Variants in DCLK2 observed in about 807,000 individuals in gnomAD.
DCLK2 encodes doublecortin like kinase 2.
Under a neutral mutation model 78.4 loss-of-function variants are expected in DCLK2, and 31 were observed. The observed-to-expected ratio is 0.40, with a 90% confidence interval of 0.30 to 0.53. DCLK2 has a LOEUF of 0.53. Among genes scored for constraint, DCLK2 ranks in the 20% least tolerant of loss-of-function variants. The pLI is 0.61. For synonymous variants in DCLK2, 407 were observed against 374.9 expected (o/e 1.09, Z -0.99); for missense variants, 872 against 973.7 (o/e 0.90, Z 1.39).
Position 150,248,400 on chromosome 4 carries a change from T to G in DCLK2, c.1956+15T>G, listed in dbSNP as rs1743492134. 1.2e-6 allele frequency: 2 copies of G among 1,607,988 alleles called. No homozygotes were observed. Among genetic ancestry groups the G allele is most frequent in the Non-Finnish European group, 1.7e-6 (2 of 1,174,704 alleles). On this transcript the variant is annotated intron_variant, in intron 14 of 15. Transcript: ENST00000296550. ...CCTGGGTGTCAGTAAGTACCCACATTCCCAGGGAATGGGCCTCACTGTGCT... is the reference window on the plus strand; with the variant it reads ...CCTGGGTGTCAGTAAGTACCCACATGCCCAGGGAATGGGCCTCACTGTGCT...
intron 5 of DCLK2, among the ~76,000 whole-genome samples, chr4:150,208,396 TTTTG>T (rs1740012937): frequency 1.5e-5 from 1 of 65,426 alleles, no homozygotes; most frequent in East Asian, 2.9e-4. Context: ...GAGTTTTTTT[TTTTG>T]TTTTTGTTTT....
chr4:150,236,666 A>C (rs1360690360), intron 10 of DCLK2, among the ~76,000 whole-genome samples: 2 of 152,182 alleles, frequency 1.3e-5, no homozygotes, highest in Non-Finnish European at 2.9e-5. Context: ...ATCTATCTAG[A>C]GAGAGATATA....
rs746149168 is a variant in DCLK2, at chr4:150,247,609, C to T, written c.1785C>T (p.Asn595=). ...TTCTTTGTCACTGGCTTAGTGAGAA[C>T]AATCTCCAGGAAGATCTCTTCGACC... The part of the protein sequence containing the change: ...LCGFPPFRSE[N]NLQEDLFDQI... The change falls in exon 13 of 16, where the codon AAC becomes AAT. Residue 595 remains asparagine, a synonymous_variant. Coordinates refer to ENST00000296550, the MANE Select transcript of DCLK2 (RefSeq NM_001040260.4). The T allele has an allele frequency of 1.2e-6, 2 of 1,613,848 alleles. No individual in the cohort carries two copies. The highest frequency in any genetic ancestry group is 2.2e-5 in the South Asian group (2 of 91,048).
intron 2 of DCLK2, among the ~76,000 whole-genome samples, chr4:150,157,496 TG>T (rs1735385512): frequency 1.3e-5 from 1 of 77,138 alleles, no homozygotes; most frequent in Admixed American, 1.2e-4. Context: ...TTTTTTTGTT[TG>T]TTTGTTTGTT....
chr4:150,228,943 G>A (rs1003124075), intron 8 of DCLK2, among the ~76,000 whole-genome samples: 19 of 151,696 alleles, frequency 1.3e-4, no homozygotes, highest in African/African-American at 4.4e-4. Context: ...GGAGAATGGC[G>A]TGAACCCGGG....
At chr4:150,166,237 C>T (rs1346150626) in intron 2 of DCLK2, among the ~76,000 whole-genome samples, 1 of 152,128 alleles carries the variant, frequency 6.6e-6, no homozygotes, top group Non-Finnish European at 1.5e-5. Flanking sequence ...CACCTGTAAT[C>T]CCAGCACTTT....
intron 4 of DCLK2, chr4:150,198,909 C>CA (rs1358653619): frequency 2.3e-5 from 10 of 440,700 alleles, no homozygotes; most frequent in Middle Eastern, 4.5e-4. Context: ...CCCCTTTCAG[C>CA]ACCCCCCCCC....
intron 8 of DCLK2, among the ~76,000 whole-genome samples, chr4:150,229,027 C>T (rs556637302): frequency 6.9e-5 from 10 of 145,542 alleles, no homozygotes; most frequent in Admixed American, 2.1e-4. Flanking sequence ...AGCGAGACTC[C>T]GTCTCAAAAA....
At chr4:150,231,479 C>A (rs1742055039) in intron 8 of DCLK2, among the ~76,000 whole-genome samples, 1 of 152,180 alleles carries the variant, frequency 6.6e-6, no homozygotes, top group African/African-American at 2.4e-5. Context: ...GGTGAGGTGG[C>A]TCTTAGCTTC....
At chr4:150,087,985 G>A (rs1306209402) in intron 1 of DCLK2, among the ~76,000 whole-genome samples, 2 of 152,036 alleles carry the variant, frequency 1.3e-5, no homozygotes, top group Admixed American at 6.6e-5. Flanking sequence ...CCAGGAGGGC[G>A]GCAGAAGATC....
At chr4:150,126,462 A>G (rs1052874078) in intron 2 of DCLK2, among the ~76,000 whole-genome samples, 1 of 152,224 alleles carries the variant, frequency 6.6e-6, no homozygotes. Context: ...AGAGGCATCA[A>G]AAATGCTTCA....
chr4:150,185,442 T>C (rs1474362280), intron 2 of DCLK2, among the ~76,000 whole-genome samples: 1 of 151,410 alleles, frequency 6.6e-6, no homozygotes, highest in African/African-American at 2.4e-5. Flanking sequence ...TAATCAGACC[T>C]CGCCTGGCAT....
intron 2 of DCLK2, among the ~76,000 whole-genome samples, chr4:150,119,654 C>T (rs887693452): frequency 6.6e-6 from 1 of 151,988 alleles, no homozygotes; most frequent in Non-Finnish European, 1.5e-5. Context: ...CTAGAAACTA[C>T]TTTAATGAAA....
chr4:150,228,691 A>G (rs1242284426), intron 8 of DCLK2, among the ~76,000 whole-genome samples: 1 of 152,216 alleles, frequency 6.6e-6, no homozygotes, highest in Non-Finnish European at 1.5e-5. Flanking sequence ...CGAGAAGTAT[A>G]TAGGAGTTTG....
chr4:150,098,855 C>T lies in DCLK2; in HGVS notation c.422-3623C>T, dbSNP rs1206992928. ...GGATTACAGGCGCCCGCCACCACAC[C>T]CGGCTAATTTTTATATTTTTAGCAG... is the stretch of plus-strand genomic sequence containing the variant. On this transcript the variant is annotated intron_variant, in intron 1 of 15. Transcript: ENST00000296550. Among the ~76,000 whole-genome samples the T allele has an allele frequency of 2.0e-5, 3 of 151,916 alleles. No homozygotes were observed. The East Asian group carries it at 5.8e-4, about 29-fold the overall frequency.
At chr4:150,162,185 C>G (rs1735752098) in intron 2 of DCLK2, among the ~76,000 whole-genome samples, 1 of 152,086 alleles carries the variant, frequency 6.6e-6, no homozygotes, top group Non-Finnish European at 1.5e-5. Context: ...CATGCGCCAC[C>G]ATGCCTGGCT....
chr4:150,102,443 T>A lies in DCLK2; in HGVS notation c.422-35T>A, dbSNP rs748588755. The A allele has an allele frequency of 3.8e-6, 6 of 1,590,182 alleles. No homozygotes were observed. The Admixed American group carries it at 1.0e-4, about 27-fold the overall frequency. On this transcript the variant is annotated intron_variant, in intron 1 of 15. Coordinates refer to ENST00000296550, the MANE Select transcript of DCLK2 (RefSeq NM_001040260.4). The stretch of plus-strand genomic sequence containing the variant: ...AGACCAAATGCTTCTATGATAGAGA[T>A]AATCATGCTAATAAAATCAAATTTT...
chr4:150,190,965 ATAAAT>A (rs1738407016), intron 2 of DCLK2, among the ~76,000 whole-genome samples: 1 of 152,068 alleles, frequency 6.6e-6, no homozygotes, highest in Non-Finnish European at 1.5e-5. Flanking sequence ...ACATAAATAA[ATAAAT>A]TAAGATTTAG....
At chr4:150,192,875 CT>C (rs1738570206) in intron 2 of DCLK2, among the ~76,000 whole-genome samples, 1 of 152,088 alleles carries the variant, frequency 6.6e-6, no homozygotes, top group African/African-American at 2.4e-5. Context: ...AATCACGTAC[CT>C]TTTTGCATGT....
Sources: allele counts gnomAD v4.1 joint callset (sites outside exome capture counted in the v4.1 genomes callset), GRCh38; gene constraint gnomAD v4.1.1; transcripts MANE v1.5; gene names NCBI Gene and HGNC (gene_info 2026-07-23, HGNC 2026-07-21).